Variants in LAMA5 observed in about 807,000 individuals in gnomAD.
The protein encoded by LAMA5 is laminin subunit alpha-5.
Under a neutral mutation model 433.4 loss-of-function variants are expected in LAMA5, and 260 were observed. The observed-to-expected ratio is 0.60, with a 90% CI of 0.54 to 0.66. LAMA5 has a LOEUF of 0.66. LAMA5 is among the 30% of genes least tolerant of loss of function. The pLI, the probability that LAMA5 is intolerant of heterozygous loss-of-function variation, is 0.00. For synonymous variants in LAMA5, 2,620 were observed against 2,226.6 expected (o/e 1.18, Z -4.97); for missense variants, 5,378 against 5,258.5 (o/e 1.02, Z -0.70).
intron 78 of LAMA5, 37 bp downstream of exon 78, chr20:62,309,951 G>T (rs751308376): frequency 6.2e-7 from 1 of 1,605,354 alleles, no homozygotes; most frequent in South Asian, 1.1e-5. Context: ...AGAAGGGTGG[G>T]GGTGGCAGAG....
intron 34 of LAMA5, 42 bp from the exon 35 acceptor site, chr20:62,328,487 C>A (rs1019569525): frequency 1.4e-6 from 2 of 1,449,294 alleles, no homozygotes; most frequent in Admixed American, 2.7e-5. Context: ...TCTTCCCAGT[C>A]CCGCCCCTCT....
At position 62,332,404 on chromosome 20, in the gene LAMA5, T is replaced by A; in HGVS notation, c.3520A>T (p.Arg1174Trp). The A allele has an allele frequency of 1.2e-6, 2 of 1,612,740 alleles. No individual in the cohort carries two copies. Among genetic ancestry groups the A allele is most frequent in the Non-Finnish European group, 1.7e-6 (2 of 1,179,928 alleles). Residue 1174 changes from arginine (R) to tryptophan (W), a missense_variant, in exon 28 of 80, where the codon AGG becomes TGG. By Grantham distance (101) the Arg-to-Trp change is moderately radical. Coordinates refer to ENST00000252999, the MANE Select transcript of LAMA5 (RefSeq NM_005560.6). ...VFHLDSEASV[R>W]LTAEQARFFL... ...AAGCGTGCCTGTTCGGCTGTGAGCC[T>A]CACGCTGGCCTCCGAGTCCAGGTGG...
At position 62,317,735 on chromosome 20, in the gene LAMA5, G is replaced by C. The variant is rs1010027261; in HGVS notation, c.7283C>G (p.Ala2428Gly). The C allele has an allele frequency of 6.8e-6, 11 of 1,607,866 alleles. No homozygotes were observed. Among genetic ancestry groups the C allele is most frequent in the Non-Finnish European group, 6.8e-6 (8 of 1,178,064 alleles). ...ELSRDNATLQATLHAARDTLA... is the reference protein window; with the variant it reads ...ELSRDNATLQGTLHAARDTLA... ...GGTGTCCCTAGCCGCATGCAGAGTGGCCTGCAGGGTGGCATTGTCCCGGGA... is the reference window on the plus strand; with the variant it reads ...GGTGTCCCTAGCCGCATGCAGAGTGCCCTGCAGGGTGGCATTGTCCCGGGA... The change falls in exon 54 of 80, where the codon GCC becomes GGC. Residue 2428 changes from alanine (A) to glycine (G), a missense_variant. Ala to Gly is a moderately conservative substitution (Grantham distance 60, BLOSUM62 0). Transcript: ENST00000252999.
Position 62,311,169 on chromosome 20 carries a change from T to C in LAMA5, c.10081A>G (p.Arg3361Gly). Residue 3361 changes from arginine to glycine, a missense_variant, in exon 73 of 80, where the codon AGG becomes GGG. By Grantham distance (125) the Arg-to-Gly change is moderately radical. Coordinates refer to ENST00000252999, the MANE Select transcript of LAMA5 (RefSeq NM_005560.6). ...LEFVGILARH[R>G]NWPSLSMHVL... ...AGCCGGGCCTGGCCTTACCAGTTCC[T>C]ATGTCGGGCCAGGATGCCCACAAAC... 6.3e-7 allele frequency: 1 copy of C among 1,595,668 alleles called. No homozygotes were observed. The highest frequency in any genetic ancestry group is 1.1e-5 in the South Asian group (1 of 88,312).
chr20:62,339,448 G>A lies in LAMA5; in HGVS notation c.1478-840C>T, dbSNP rs567231506. ...AGACGGGGTTTCACTATGTTAGCCA[G>A]GACGGTCTCCATCTCCTGACCACGT... On this transcript the variant is annotated intron_variant, in intron 11 of 79. Transcript: ENST00000252999. Among the ~76,000 whole-genome samples, 3 of 152,036 alleles carry A rather than the reference G, an allele frequency of 2.0e-5. No individual in the cohort carries two copies. In the South Asian group the frequency reaches 6.2e-4, roughly 32 times the overall value.
At chr20:62,362,634 A>T in intron 1 of LAMA5, 82 bp from the exon 2 acceptor site, 1 of 1,281,694 alleles carries the variant, frequency 7.8e-7, no homozygotes, top group South Asian at 1.8e-5. Flanking sequence ...CTGCCCCGAG[A>T]CAAGTCCTGG....
In LAMA5 at chr20:62,338,085, G is replaced by A; in HGVS notation, c.1822C>T (p.Gln608Ter). Residue 608 changes from glutamine (Q) to a stop codon, truncating the protein, a stop_gained, in exon 14 of 80, where the codon CAG (glutamine) becomes TAG (stop). Transcript: ENST00000252999. LOFTEE classifies it high-confidence loss of function. ...CAATGAGGTCCAGCAAACTCAGGCT[G>A]GCATAGGCAGCGGCCGGCCTCATCG... The part of the protein sequence containing the change: ...GCDEAGRCLC[Q>*]PEFAGPHCDR... The A allele has an allele frequency of 6.2e-7, 1 of 1,604,654 alleles. No homozygotes were observed. The highest frequency in any genetic ancestry group is 1.1e-5 in the South Asian group (1 of 89,958).
chr20:62,311,376 G>T, intron 72 of LAMA5, 25 bp downstream of exon 72: 1 of 1,533,068 alleles, frequency 6.5e-7, no homozygotes, highest in Non-Finnish European at 8.8e-7. Flanking sequence ...CCCCAGCTCT[G>T]CCTGCTCACC....
At position 62,312,506 on chromosome 20, in the gene LAMA5, C is replaced by A. The variant is rs147193517; in HGVS notation, c.9254G>T (p.Gly3085Val). The change falls in exon 68 of 80, where the codon GGC becomes GTC. Residue 3085 changes from glycine to valine, a missense_variant. Gly to Val is a moderately radical substitution (Grantham distance 109). Coordinates refer to ENST00000252999, the MANE Select transcript of LAMA5 (RefSeq NM_005560.6). The part of the protein sequence containing the change: ...PSLRRLFPTG[G>V]SVRGCVKGIK... ...GCCTTTGACGCAGCCACGGACTGAG[C>A]CTCCGGTGGGGAAGAGCCGTCGCAG... 5 of 1,598,794 alleles carry A rather than the reference C, an allele frequency of 3.1e-6. No homozygotes were observed. The highest frequency in any genetic ancestry group is 4.2e-6 in the Non-Finnish European group (5 of 1,179,654).
At position 62,318,778 on chromosome 20, in the gene LAMA5, T is replaced by C; in HGVS notation, c.7042+65A>G. 3.8e-6 allele frequency: 6 copies of C among 1,581,302 alleles called. No individual in the cohort carries two copies. In the South Asian group the frequency reaches 5.6e-5, roughly 15 times the overall value. ...CACCTGATGCCACTCCATGCTGACC[T>C]CCCCCTTGGAGCTCCCAGGTCCCTG... On this transcript the variant is annotated intron_variant, in intron 52 of 79. Transcript: ENST00000252999.
At chr20:62,318,364 G>T in intron 53 of LAMA5, 90 bp downstream of exon 53, 1 of 607,548 alleles carries the variant, frequency 1.6e-6, no homozygotes, top group East Asian at 3.1e-5. Flanking sequence ...GGAGGACGAG[G>T]GGAGGGGAGG....
In LAMA5 at chr20:62,309,319, C is replaced by T; in HGVS notation, c.*17G>A. On this transcript the variant is annotated 3_prime_UTR_variant, in exon 80 of 80. Coordinates refer to ENST00000252999, the MANE Select transcript of LAMA5 (RefSeq NM_005560.6). Reference sequence around the variant, plus strand: ...GCAGCTGCAGGGGCCTGACCAGGGGCCGGGGTTGGCTGTGTCCTAGGCGGC... The same window carrying T: ...GCAGCTGCAGGGGCCTGACCAGGGGTCGGGGTTGGCTGTGTCCTAGGCGGC... 6.3e-7 allele frequency: 1 copy of T among 1,589,990 alleles called. No individual in the cohort carries two copies.
rs755926980 is a variant in LAMA5, at chr20:62,315,072, CGCAGGCCCTCGTACTGGCCCT to C, written c.7982_8002del (p.Gln2661_Leu2667del). Reference sequence around the variant, plus strand: ...CACTGCCTGGCCCAGGTCCTGGCCCCGCAGGCCCTCGTACTGGCCCTGCCACCGCTCCACATTCTCCTGCAT... The same window carrying C: ...CACTGCCTGGCCCAGGTCCTGGCCCCGCCACCGCTCCACATTCTCCTGCAT... On this transcript the variant is annotated inframe_deletion, in exon 59 of 80. Transcript: ENST00000252999. 1.9e-6 allele frequency: 3 copies of C among 1,601,728 alleles called. No individual in the cohort carries two copies. Among genetic ancestry groups the C allele is most frequent in the South Asian group, 2.2e-5 (2 of 90,940 alleles).
chr20:62,339,277 G>T (rs1350764613), intron 11 of LAMA5, among the ~76,000 whole-genome samples: 2 of 106,910 alleles, frequency 1.9e-5, no homozygotes. Flanking sequence ...TTGATCTGTC[G>T]CCCAGGCTAG....
At position 62,367,031 on chromosome 20, in the gene LAMA5, C is replaced by T. The variant is rs1031873981; in HGVS notation, c.215G>A (p.Gly72Asp). 22 of 1,262,340 alleles carry T rather than the reference C, an allele frequency of 1.7e-5. No individual in the cohort carries two copies. The highest frequency in any genetic ancestry group is 2.1e-5 in the Non-Finnish European group (21 of 1,011,224). The allele number at this position is 1,262,340 out of a possible 1,614,324, so 78.2% of individuals were successfully genotyped here. A position where few individuals can be genotyped will look rare whatever the true frequency, so the allele number is the denominator to read the frequency against. ...AAGGTCCTCGGTGGGGCGCGGGGAG[C>T]CGCGCGCCGGGGCCTCCTCTCCGCA... ...ATCGEEAPAR[G>D]SPRPTEDLYC... Residue 72 changes from glycine (G) to aspartate (D), a missense_variant, in exon 1 of 80, where the codon GGC becomes GAC. Physicochemically the swap from Gly to Asp is moderately conservative, Grantham distance 94. Transcript: ENST00000252999.
Position 62,322,286 on chromosome 20 carries a change from G to C in LAMA5, c.6329C>G (p.Pro2110Arg). Residue 2110 changes from proline (P) to arginine (R), a missense_variant, in exon 47 of 80, where the codon CCT becomes CGT. Pro to Arg is a moderately radical substitution (Grantham distance 103). Coordinates refer to ENST00000252999, the MANE Select transcript of LAMA5 (RefSeq NM_005560.6). ...RECAPGYWGL[P>R]EQGCRRCQCP... ...GCACTCACGCCTGCAGCCCTGCTCA[G>C]GGAGCCCCCAGTAGCCAGGGGCACA... The C allele has an allele frequency of 6.3e-7, 1 of 1,598,778 alleles. No homozygotes were observed. Among genetic ancestry groups the C allele is most frequent in the Non-Finnish European group, 8.5e-7 (1 of 1,175,474 alleles).
chr20:62,328,545 C>CG, intron 34 of LAMA5, 100 bp from the exon 35 acceptor site: 1 of 1,264,284 alleles, frequency 7.9e-7, no homozygotes, highest in Non-Finnish European at 1.1e-6. Flanking sequence ...GTGACGGGGG[C>CG]GGGGGAGACA....
Position 62,367,144 on chromosome 20 carries a change from C to A in LAMA5, c.102G>T (p.Arg34=). Residue 34 remains arginine (R), a synonymous_variant, in exon 1 of 80, where the codon CGG becomes CGT. Transcript: ENST00000252999. ...LVGLALLGAA[R]AREEAGGGFS... ...AGCCGCCGCCCGCCTCCTCCCGCGC[C>A]CGCGCCGCGCCCAGCAGCGCCAGCC... 1 of 1,267,880 alleles carries A rather than the reference C, an allele frequency of 7.9e-7. No individual in the cohort carries two copies. The highest frequency in any genetic ancestry group is 9.9e-7 in the Non-Finnish European group (1 of 1,009,878). The allele number at this position is 1,267,880 out of a possible 1,614,324, so 78.5% of individuals were successfully genotyped here.
chr20:62,313,218 TC>T lies in LAMA5; in HGVS notation c.8824del (p.Asp2942ThrfsTer41). The stretch of plus-strand genomic sequence containing the variant: ...GCCGGTGCCGTCCAGGTAGGAGCCG[TC>T]CGTGAGCCACGGGTCCCCGGTCGAC... ...SKSTGDPWLT[D>X]GSYLDGTGFA... On this transcript the variant is annotated frameshift_variant, in exon 65 of 80. Transcript: ENST00000252999. LOFTEE classifies it high-confidence loss of function. 1 of 1,526,420 alleles carries T rather than the reference TC, an allele frequency of 6.6e-7. No individual in the cohort carries two copies. Among genetic ancestry groups the T allele is most frequent in the Non-Finnish European group, 8.8e-7 (1 of 1,140,196 alleles). 94.6% of individuals were successfully genotyped at this position (1,526,420 alleles called of 1,614,324 possible).
Sources: allele counts gnomAD v4.1 joint callset (sites outside exome capture counted in the v4.1 genomes callset), GRCh38; gene constraint gnomAD v4.1.1; transcripts MANE v1.5; gene names NCBI Gene and HGNC (gene_info 2026-07-23, HGNC 2026-07-21).